Variants in KBTBD3 observed in about 807,000 individuals in gnomAD.
KBTBD3 encodes the protein kelch repeat and BTB domain-containing protein 3.
Under a neutral mutation model 49.6 loss-of-function variants are expected in KBTBD3, and 38 were observed. The ratio of observed to expected loss-of-function variants is 0.77; its 90% CI spans 0.59 to 1.00. The LOEUF is 1.00. KBTBD3 is among the 50% of genes least tolerant of loss of function. The probability of loss-of-function intolerance (pLI) is 0.00; values close to 1 mark genes in which losing one functional copy is unlikely to be tolerated. For synonymous variants in KBTBD3, 214 were observed against 250.4 expected, an observed-to-expected ratio of 0.85 and a Z score of 1.37; for missense variants, 661 against 712.0, an observed-to-expected ratio of 0.93 and a Z score of 0.81.
chr11:106,076,033 T>C (rs1345620359), intron 2 of KBTBD3: 2 of 152,220 alleles, frequency 1.3e-5, no homozygotes, highest in African/African-American at 4.8e-5. Flanking sequence ...CAGAAGTGTT[T>C]TGGAAACAGA....
intron 2 of KBTBD3, among the ~76,000 whole-genome samples, chr11:106,074,114 C>CA (rs964761806): frequency 1.2e-3 from 101 of 82,794 alleles, no homozygotes; most frequent in Admixed American, 3.6e-3. Context: ...TGCCGAACAC[C>CA]CCCCCCCACA....
intron 2 of KBTBD3, among the ~76,000 whole-genome samples, chr11:106,068,500 T>A (rs964553359): frequency 3.9e-5 from 6 of 152,094 alleles, no homozygotes; most frequent in African/African-American, 9.7e-5. Context: ...TAAAATAGTG[T>A]GAGAGGAAAA....
intron 2 of KBTBD3, among the ~76,000 whole-genome samples, chr11:106,060,281 G>A (rs915163350): frequency 6.6e-6 from 1 of 150,882 alleles, no homozygotes; most frequent in South Asian, 2.1e-4. Context: ...ACATACCTAT[G>A]TATATAACTA....
In KBTBD3 at chr11:106,069,248, T is replaced by C. The variant is rs1369275968; in HGVS notation, c.-13+7259A>G. On this transcript the variant is annotated intron_variant, in intron 2 of 3. Transcript: ENST00000531837. ...TGCATGTAAGCTCTAGCAAGCACACTAAAACAAGAAAATTCAATAAAAGGC... is the reference window on the plus strand; with the variant it reads ...TGCATGTAAGCTCTAGCAAGCACACCAAAACAAGAAAATTCAATAAAAGGC... 5.9e-5 allele frequency among the ~76,000 whole-genome samples: 9 copies of C among 151,930 alleles called. 1 individual carries two copies. The East Asian group carries it at 1.5e-3, about 26-fold the overall frequency.
chr11:106,056,362 T>C (rs1860552453), intron 3 of KBTBD3, among the ~76,000 whole-genome samples: 1 of 152,156 alleles, frequency 6.6e-6, no homozygotes, highest in South Asian at 2.1e-4. Context: ...AGCAGACCTA[T>C]AAAAAACTAG....
At chr11:106,067,796 T>A (rs1254707926) in intron 2 of KBTBD3, among the ~76,000 whole-genome samples, 1 of 151,296 alleles carries the variant, frequency 6.6e-6, no homozygotes, top group East Asian at 1.9e-4. Flanking sequence ...ATAATTGCAC[T>A]AAATGTAAGT....
At chr11:106,066,821 AAAC>A (rs1029260800) in intron 2 of KBTBD3, among the ~76,000 whole-genome samples, 5 of 151,802 alleles carry the variant, frequency 3.3e-5, no homozygotes, top group Non-Finnish European at 5.9e-5. Context: ...AAAAAAACAA[AAAC>A]AACAACAACA....
At position 106,053,852 on chromosome 11, in the gene KBTBD3, T is replaced by C. The variant is rs758091310; in HGVS notation, c.837A>G (p.Gln279=). 6 of 1,613,902 alleles carry C rather than the reference T, an allele frequency of 3.7e-6. No homozygotes were observed. The highest frequency in any genetic ancestry group is 3.3e-4 in the Middle Eastern group (2 of 6,082). Residue 279 remains glutamine, a synonymous_variant, in exon 4 of 4, where the codon CAA becomes CAG. Coordinates refer to ENST00000531837, the MANE Select transcript of KBTBD3 (RefSeq NM_198439.3). ...DIIMDAIKCV[Q]GSGGLFPDAR... ...CATCAGGGAAGAGTCCACCAGAACC[T>C]TGCACACACTTAATTGCATCCATGA... is the stretch of plus-strand genomic sequence containing the variant.
intron 2 of KBTBD3, among the ~76,000 whole-genome samples, chr11:106,059,393 C>T (rs1262163886): frequency 6.6e-6 from 1 of 152,036 alleles, no homozygotes; most frequent in African/African-American, 2.4e-5. Context: ...GTATAAATAG[C>T]TTATATAGGA....
intron 2 of KBTBD3, among the ~76,000 whole-genome samples, chr11:106,068,397 T>C (rs1860852159): frequency 6.6e-6 from 1 of 152,142 alleles, no homozygotes; most frequent in South Asian, 2.1e-4. Context: ...AAATAATCCA[T>C]GGATCAAAGA....
intron 3 of KBTBD3, 79 bp downstream of exon 3, chr11:106,058,786 G>T: frequency 1.3e-6 from 1 of 796,300 alleles, no homozygotes; most frequent in Non-Finnish European, 2.0e-6. Context: ...TGTTCTTGTG[G>T]GGAAAAACTT....
At chr11:106,058,744 T>C (rs1013538181) in intron 3 of KBTBD3, 121 bp downstream of exon 3, 8 of 687,538 alleles carry the variant, frequency 1.2e-5, no homozygotes, top group East Asian at 3.2e-5. Context: ...TTGTTTTTGT[T>C]TTTTTTTTTA....
intron 2 of KBTBD3, among the ~76,000 whole-genome samples, chr11:106,069,659 A>G (rs1860881298): frequency 1.3e-5 from 2 of 152,066 alleles, no homozygotes. Context: ...GGAAAAGTCA[A>G]CTTAATAAAG....
chr11:106,072,863 G>T (rs10895902), intron 2 of KBTBD3, among the ~76,000 whole-genome samples: 22,435 of 152,060 alleles, frequency 0.15, 3,581 homozygotes, highest in African/African-American at 0.39. Flanking sequence ...GATATAAAGA[G>T]AATAAAAGAC....
At chr11:106,069,353 C>T (rs1860873973) in intron 2 of KBTBD3, among the ~76,000 whole-genome samples, 1 of 151,960 alleles carries the variant, frequency 6.6e-6, no homozygotes, top group Non-Finnish European at 1.5e-5. Flanking sequence ...CCAAAGGAAT[C>T]TACCAGAAAA....
Position 106,066,809 on chromosome 11 carries a change from CA to C in KBTBD3, c.-12-7701del, listed in dbSNP as rs372725017. On this transcript the variant is annotated intron_variant, in intron 2 of 3. Transcript: ENST00000531837. Reference sequence around the variant, plus strand: ...CTTTCCCTATTTCTCCTGCTAAGTACAAAAAAAACAAAAACAACAACAACAA... The same window carrying C: ...CTTTCCCTATTTCTCCTGCTAAGTACAAAAAAACAAAAACAACAACAACAA... 3.4e-3 allele frequency among the ~76,000 whole-genome samples: 494 copies of C among 146,386 alleles called. 2 individuals carry two copies. Among genetic ancestry groups the C allele is most frequent in the African/African-American group, 0.012 (468 of 39,700 alleles).
chr11:106,059,151 G>T, intron 2 of KBTBD3, 42 bp from the exon 3 acceptor site: 1 of 1,157,160 alleles, frequency 8.6e-7, no homozygotes, highest in Middle Eastern at 2.8e-4. Flanking sequence ...GAGACCTAAT[G>T]CAAGTTTCAG....
rs1860510572 is a variant in KBTBD3 at position 106,054,391 on chromosome 11, A to T, written c.298T>A (p.Ser100Thr). The T allele has an allele frequency of 6.2e-7, 1 of 1,606,300 alleles. No homozygotes were observed. ...TCGAGAAATGCTTTTACTGCCTTGG[A>T]GGACAAATTAGTAATGGTAACACTT... The part of the protein sequence containing the change: ...DGSVTITNLS[S>T]KAVKAFLDYA... Residue 100 changes from serine to threonine, a missense_variant, in exon 4 of 4, where the codon TCC becomes ACC. By Grantham distance (58) the Ser-to-Thr change is moderately conservative. Coordinates refer to ENST00000531837, the MANE Select transcript of KBTBD3 (RefSeq NM_198439.3).
chr11:106,053,649 G>A lies in KBTBD3; in HGVS notation c.1040C>T (p.Thr347Ile). The change falls in exon 4 of 4, where the codon ACA becomes ATA. Residue 347 changes from threonine (T) to isoleucine (I), a missense_variant. Transcript: ENST00000531837. The stretch of plus-strand genomic sequence containing the variant: ...ACAACATTTCCCTTTGCAACCACCT[G>A]TCAAGAATATTTTCTCTCCGTAACT... ...LSSYGEKIFL[T>I]GGCKGKCCRT... 1 of 1,613,770 alleles carries A rather than the reference G, an allele frequency of 6.2e-7. No individual in the cohort carries two copies. Among genetic ancestry groups the A allele is most frequent in the Non-Finnish European group, 8.5e-7 (1 of 1,179,886 alleles).
Sources: allele counts gnomAD v4.1 joint callset (sites outside exome capture counted in the v4.1 genomes callset), GRCh38; gene constraint gnomAD v4.1.1; transcripts MANE v1.5; gene names NCBI Gene and HGNC (gene_info 2026-07-23, HGNC 2026-07-21).